Variants in RECQL observed in about 807,000 individuals in gnomAD.
RECQL encodes RecQ like helicase.
Under a neutral mutation model 75.8 loss-of-function variants are expected in RECQL, and 73 were observed. That is an observed-to-expected ratio of 0.96 (90% CI 0.80 to 1.17). The LOEUF is 1.17. Among genes scored for constraint, RECQL ranks in the 50% most tolerant of loss-of-function variants. The pLI, the probability that RECQL is intolerant of heterozygous loss-of-function variation, is 0.00. For missense variants in RECQL, 699 were observed against 772.1 expected, an observed-to-expected ratio of 0.91 and a Z score of 1.12; for synonymous variants, 248 against 254.4, an observed-to-expected ratio of 0.97 and a Z score of 0.24.
chr12:21,477,996 T>C, intron 6 of RECQL, 27 bp from the exon 7 acceptor site: 1 of 1,584,008 alleles, frequency 6.3e-7, no homozygotes, highest in Non-Finnish European at 8.6e-7. Flanking sequence ...AGTGGCCCTT[T>C]TTCTATCCTT....
intron 5 of RECQL, among the ~76,000 whole-genome samples, chr12:21,485,299 C>A (rs1232325267): frequency 1.4e-5 from 2 of 141,098 alleles, no homozygotes; most frequent in African/African-American, 5.3e-5. Flanking sequence ...ATGTAACAAA[C>A]CTGCACATCC....
Position 21,471,468 on chromosome 12 carries a change from C to T in RECQL, c.1627G>A (p.Glu543Lys). ...VAPTLPREDLEKIIAHFLIQQ... is the reference protein window; with the variant it reads ...VAPTLPREDLKKIIAHFLIQQ... Reference sequence around the variant, plus strand: ...ATTAGAAAGTGTGCAATAATCTTCTCCAGATCTTCACGAGGAAGTGTGGGA... The same window carrying T: ...ATTAGAAAGTGTGCAATAATCTTCTTCAGATCTTCACGAGGAAGTGTGGGA... Residue 543 changes from glutamate to lysine, a missense_variant, in exon 13 of 15, where the codon GAG (glutamate) becomes AAG (lysine). Physicochemically the swap from Glu to Lys is moderately conservative, Grantham distance 56. This residue lies in a region of RECQL where 669 missense variants were observed against 713.5 expected (regional missense o/e 0.94). Transcript: ENST00000444129. 1 of 1,613,106 alleles carries T rather than the reference C, an allele frequency of 6.2e-7. No individual in the cohort carries two copies. Among genetic ancestry groups the T allele is most frequent in the South Asian group, 1.1e-5 (1 of 91,052 alleles).
At chr12:21,490,012 TA>T (rs993202764) in intron 4 of RECQL, among the ~76,000 whole-genome samples, 186 bp downstream of exon 4, 3 of 152,068 alleles carry the variant, frequency 2.0e-5, no homozygotes, top group African/African-American at 2.4e-5. Context: ...CCCCTGAATC[TA>T]AAATAAAAAA....
chr12:21,499,360 A>G (rs923889918), intron 2 of RECQL, among the ~76,000 whole-genome samples, 195 bp downstream of exon 2: 1 of 152,246 alleles, frequency 6.6e-6, no homozygotes, highest in Non-Finnish European at 1.5e-5. Flanking sequence ...ACAACAGTCT[A>G]AATGCATTTA....
rs1209698606 is a variant in RECQL, at chr12:21,469,582, C to CT, written c.*611dup. ...GGTTATGTCAAAAGAAAAAATATAG[C>CT]TAAGTATATAAAGGCATAAAAAACT... On this transcript the variant is annotated 3_prime_UTR_variant, in exon 15 of 15. Transcript: ENST00000444129. 20 of 151,058 alleles carry CT rather than the reference C, an allele frequency of 1.3e-4. No homozygotes were observed. Among genetic ancestry groups the CT allele is most frequent in the African/African-American group, 4.6e-4 (19 of 40,980 alleles). 9.4% of individuals were successfully genotyped at this position (151,058 alleles called of 1,614,324 possible). A position where few individuals can be genotyped will look rare whatever the true frequency, so the allele number is the denominator to read the frequency against.
intron 13 of RECQL, 72 bp downstream of exon 13, chr12:21,471,356 T>G (rs976598354): frequency 2.2e-6 from 3 of 1,390,350 alleles, no homozygotes; most frequent in Non-Finnish European, 2.0e-6. Flanking sequence ...GCAAAACCGT[T>G]TATTCTGTTG....
At chr12:21,475,016 T>A (rs1160922370) in intron 10 of RECQL, 37 bp from the exon 11 acceptor site, 12 of 1,591,694 alleles carry the variant, frequency 7.5e-6, no homozygotes, top group Non-Finnish European at 1.0e-5. Context: ...CAGAATTACA[T>A]TTACAAATTC....
intron 12 of RECQL, among the ~76,000 whole-genome samples, chr12:21,472,962 T>C (rs1943009794): frequency 6.6e-6 from 1 of 152,168 alleles, no homozygotes; most frequent in Non-Finnish European, 1.5e-5. Context: ...ATTAAAAATT[T>C]CACATCCTCA....
intron 4 of RECQL, 50 bp from the exon 5 acceptor site, chr12:21,486,635 G>C (rs750023802): frequency 1.3e-5 from 8 of 637,888 alleles, no homozygotes; most frequent in East Asian, 3.8e-5. Flanking sequence ...ACCACCCTCA[G>C]AATCAGATGC....
chr12:21,483,619 A>G (rs1329544876), intron 5 of RECQL, 45 bp from the exon 6 acceptor site: 2 of 1,378,070 alleles, frequency 1.5e-6, no homozygotes, highest in Admixed American at 2.4e-5. Context: ...AAACTAAGCT[A>G]GCAGACTGAA....
rs758177519 is a variant in RECQL, at chr12:21,483,523, T to G, written c.553A>C (p.Lys185Gln). ...TTCTCTGGAGTCACATAAATCAGCT[T>G]TAACTCGGAGTTTTTATTTACCATT... ...AEMVNKNSEL[K>Q]LIYVTPEKIA... The change falls in exon 6 of 15, where the codon AAG becomes CAG. Residue 185 changes from lysine to glutamine, a missense_variant. By Grantham distance (53) the Lys-to-Gln change is moderately conservative (BLOSUM62 1). Coordinates refer to ENST00000444129, the MANE Select transcript of RECQL (RefSeq NM_002907.4). The G allele has an allele frequency of 2.5e-6, 4 of 1,581,788 alleles. No individual in the cohort carries two copies. Among genetic ancestry groups the G allele is most frequent in the Non-Finnish European group, 3.4e-6 (4 of 1,171,340 alleles).
intron 6 of RECQL, 107 bp downstream of exon 6, chr12:21,483,269 T>C: frequency 1.2e-6 from 1 of 805,868 alleles, no homozygotes. Context: ...ATTCAATGTG[T>C]AACTACTTGA....
rs1565571187 is a variant in RECQL at position 21,486,656 on chromosome 12, C to CCTTTTTTTTTTTTTTTTTTTTTTTTTT, written c.395-72_395-71insAAAAAAAAAAAAAAAAAAAAAAAAAAG. On this transcript the variant is annotated intron_variant, in intron 4 of 14. Transcript: ENST00000444129. ...CTCAGAATCAGATGCAAACCATTCA[C>CCTTTTTTTTTTTTTTTTTTTTTTTTTT]GTTTTTTTTTTTTTTTTTTTTTTTT... 5.6e-5 allele frequency: 8 copies of CCTTTTTTTTTTTTTTTTTTTTTTTTTT among 141,734 alleles called. 4 individuals carry two copies. The highest frequency in any genetic ancestry group is 1.4e-4 in the African/African-American group (2 of 14,764). The allele number at this position is 141,734 out of a possible 1,614,324, so 8.8% of individuals were successfully genotyped here.
Position 21,491,761 on chromosome 12 carries a change from C to A in RECQL, c.17-45G>T, listed in dbSNP as rs764584990. 2.0e-6 allele frequency: 3 copies of A among 1,510,498 alleles called. No individual in the cohort carries two copies. The South Asian group carries it at 3.8e-5, about 19-fold the overall frequency. The allele number at this position is 1,510,498 out of a possible 1,614,324, so 93.6% of individuals were successfully genotyped here. On this transcript the variant is annotated intron_variant, in intron 2 of 14. Transcript: ENST00000444129. The stretch of plus-strand genomic sequence containing the variant: ...TACAATGATTAGACAGAGTAAATTA[C>A]AACTTTAGGTTTCCAGATTGATTTC...
chr12:21,473,621 A>G lies in RECQL; in HGVS notation c.1377T>C (p.Ala459=). 6.2e-7 allele frequency: 1 copy of G among 1,612,830 alleles called. No homozygotes were observed. Among genetic ancestry groups the G allele is most frequent in the African/African-American group, 1.3e-5 (1 of 75,002 alleles). The change falls in exon 12 of 15, where the codon GCT becomes GCC. Residue 459 remains alanine (A), a synonymous_variant. Coordinates refer to ENST00000444129, the MANE Select transcript of RECQL (RefSeq NM_002907.4). The part of the protein sequence containing the change: ...NISKCRRVLM[A]QHFDEVWNSE... ...AGTTCCATACTTCATCAAAATGTTG[A>G]GCCATCAACACACGACGACATCTGC...
Position 21,500,555 on chromosome 12 carries a change from T to C in RECQL, c.-46+615A>G, listed in dbSNP as rs551875710. 1.3e-4 allele frequency among the ~76,000 whole-genome samples: 20 copies of C among 152,306 alleles called. No homozygotes were observed. In the South Asian group the frequency reaches 3.5e-3, roughly 27 times the overall value. On this transcript the variant is annotated intron_variant, in intron 1 of 14. Transcript: ENST00000444129. ...CTCTTTTTTGCCTTGCTAAAGAATG[T>C]GGAATAACCACACCATTAAAAGAAG...
At chr12:21,498,573 G>A (rs960825226) in intron 2 of RECQL, among the ~76,000 whole-genome samples, 4 of 152,140 alleles carry the variant, frequency 2.6e-5, no homozygotes, top group South Asian at 2.1e-4. Flanking sequence ...CAAAGAAGGC[G>A]ATTACTATAC....
At chr12:21,493,241 A>G (rs1047873816) in intron 2 of RECQL, among the ~76,000 whole-genome samples, 1 of 152,222 alleles carries the variant, frequency 6.6e-6, no homozygotes, top group African/African-American at 2.4e-5. Flanking sequence ...AAGGGAACAT[A>G]ACTATTCTAT....
At chr12:21,482,676 T>C (rs748201396) in intron 6 of RECQL, among the ~76,000 whole-genome samples, 20 of 152,160 alleles carry the variant, frequency 1.3e-4, no homozygotes, top group Non-Finnish European at 2.4e-4. Flanking sequence ...ACAGAGTGAT[T>C]GCTATGTAGG....
Sources: allele counts gnomAD v4.1 joint callset (sites outside exome capture counted in the v4.1 genomes callset), GRCh38; gene constraint gnomAD v4.1.1; regional missense constraint gnomAD v4.1.1; transcripts MANE v1.5; gene names NCBI Gene and HGNC (gene_info 2026-07-23, HGNC 2026-07-21).